PINX1: variants seen among roughly 807,000 people sequenced by gnomAD.
The protein encoded by PINX1 is PIN2 (TERF1) interacting telomerase inhibitor 1, also known as PIN2/TERF1-interacting telomerase inhibitor 1.
PINX1 carries 34 observed loss-of-function variants against 25.4 expected under a neutral mutation model. That is an observed-to-expected ratio of 1.34 (90% CI 1.02 to 1.78). The LOEUF (loss-of-function observed/expected upper bound fraction) is 1.78. PINX1 is among the 40% of genes most tolerant of loss of function. The probability of loss-of-function intolerance (pLI) is 0.00; values close to 1 mark genes in which losing one functional copy is unlikely to be tolerated. For missense variants in PINX1, 592 were observed against 404.9 expected (o/e 1.46, Z -3.97); for synonymous variants, 197 against 147.7 (o/e 1.33, Z -2.42).
chr8:10,793,639 G>A (rs904330851), intron 6 of PINX1, among the ~76,000 whole-genome samples: 14 of 151,972 alleles, frequency 9.2e-5, no homozygotes, highest in African/African-American at 2.9e-4. Context: ...GGACACAGAC[G>A]TCCGCTGGAA....
intron 6 of PINX1, among the ~76,000 whole-genome samples, chr8:10,784,740 T>C (rs1173212092): frequency 6.6e-6 from 1 of 152,192 alleles, no homozygotes; most frequent in East Asian, 1.9e-4. Context: ...AGAACGTGAA[T>C]TAAAGGAGCC....
chr8:10,834,784 GA>G lies in PINX1; in HGVS notation c.20-10del. ...CTTCTGCTTCCGCCGACCTGTAAAT[GA>G]AAAAGCATTATCATCAGCAATGGAG... On this transcript the variant is annotated splice_polypyrimidine_tract_variant and intron_variant, in intron 1 of 6. Transcript: ENST00000314787. 1 of 1,598,458 alleles carries G rather than the reference GA, an allele frequency of 6.3e-7. No individual in the cohort carries two copies.
At chr8:10,830,849 T>C (rs1798206886) in intron 4 of PINX1, among the ~76,000 whole-genome samples, 1 of 152,208 alleles carries the variant, frequency 6.6e-6, no homozygotes, top group East Asian at 1.9e-4. Flanking sequence ...ATTGGAACTC[T>C]TATGCACTGT....
chr8:10,785,169 G>T (rs1478121994), intron 6 of PINX1, among the ~76,000 whole-genome samples: 2 of 152,162 alleles, frequency 1.3e-5, no homozygotes, highest in Non-Finnish European at 2.9e-5. Flanking sequence ...TAGTTCCAAT[G>T]GAATTATATA....
intron 6 of PINX1, among the ~76,000 whole-genome samples, chr8:10,794,359 G>C (rs1361953873): frequency 6.6e-6 from 1 of 152,020 alleles, no homozygotes; most frequent in Non-Finnish European, 1.5e-5. Flanking sequence ...TTCACAAAAA[G>C]TAGCTTCATC....
intron 1 of PINX1, among the ~76,000 whole-genome samples, chr8:10,837,248 G>C (rs1386845480): frequency 2.0e-5 from 3 of 152,166 alleles, no homozygotes; most frequent in African/African-American, 7.2e-5. Flanking sequence ...CCCTAGCACC[G>C]AGTCTCTCAC....
chr8:10,816,462 T>C (rs773601725), intron 6 of PINX1, among the ~76,000 whole-genome samples: 7 of 152,238 alleles, frequency 4.6e-5, no homozygotes, highest in South Asian at 4.1e-4. Context: ...ACAACATCTA[T>C]GCTCCAGATG....
chr8:10,825,384 C>A (rs59878596), intron 5 of PINX1: 1 of 534,740 alleles, frequency 1.9e-6, no homozygotes, highest in Non-Finnish European at 3.8e-6. Flanking sequence ...ACAGCATCAG[C>A]AGCATCATCA....
chr8:10,793,517 C>A (rs1441820486), intron 6 of PINX1, among the ~76,000 whole-genome samples: 4 of 152,202 alleles, frequency 2.6e-5, no homozygotes, highest in Non-Finnish European at 5.9e-5. Context: ...TGTTGGGCCA[C>A]ATTCAAAGCC....
intron 4 of PINX1, among the ~76,000 whole-genome samples, chr8:10,830,814 T>C (rs556140066): frequency 7.2e-5 from 11 of 152,218 alleles, no homozygotes; most frequent in Non-Finnish European, 1.5e-4. Context: ...TTATAAAAGA[T>C]AATTACTGGT....
At chr8:10,768,826 C>T (rs755773897) in intron 6 of PINX1, among the ~76,000 whole-genome samples, 6 of 152,200 alleles carry the variant, frequency 3.9e-5, no homozygotes, top group Non-Finnish European at 5.9e-5. Flanking sequence ...TTGACCATGG[C>T]ATCACATAAA....
rs139792715 is a variant in PINX1, at chr8:10,787,919, G to T, written c.472-22003C>A. The T allele has an allele frequency of 4.8e-4, 192 of 404,076 alleles. 1 individual carries two copies. The highest frequency in any genetic ancestry group is 3.6e-3 in the African/African-American group (172 of 47,984). 25.0% of individuals were successfully genotyped at this position (404,076 alleles called of 1,614,324 possible). The stretch of plus-strand genomic sequence containing the variant: ...AATCTATAATATACAGACCTTGTTA[G>T]ATTCAAATACATATTCAAAGTAAAA... On this transcript the variant is annotated intron_variant, in intron 6 of 6. Transcript: ENST00000314787.
chr8:10,770,322 T>C (rs1165495716), intron 6 of PINX1, among the ~76,000 whole-genome samples: 2 of 152,236 alleles, frequency 1.3e-5, no homozygotes, highest in Non-Finnish European at 2.9e-5. Flanking sequence ...TAACGCCATC[T>C]CTGGCAATTC....
chr8:10,832,179 T>C (rs1398184336), intron 3 of PINX1, among the ~76,000 whole-genome samples: 2 of 152,164 alleles, frequency 1.3e-5, no homozygotes, highest in Non-Finnish European at 2.9e-5. Flanking sequence ...ATGACTTGCA[T>C]CAACTCCAAT....
At chr8:10,798,342 C>A (rs925792901) in intron 6 of PINX1, among the ~76,000 whole-genome samples, 2 of 152,150 alleles carry the variant, frequency 1.3e-5, no homozygotes, top group African/African-American at 4.8e-5. Context: ...ACTTCCAGGC[C>A]CTCCCAAATC....
At chr8:10,830,231 A>T (rs942414743) in intron 4 of PINX1, among the ~76,000 whole-genome samples, 1 of 152,248 alleles carries the variant, frequency 6.6e-6, no homozygotes, top group Non-Finnish European at 1.5e-5. Context: ...CCTATGGATA[A>T]GGAAAACTGT....
At chr8:10,836,480 T>A (rs1188428919) in intron 1 of PINX1, among the ~76,000 whole-genome samples, 1 of 152,220 alleles carries the variant, frequency 6.6e-6, no homozygotes, top group East Asian at 1.9e-4. Context: ...GGTCTTTGAC[T>A]AGGGCTTGTA....
intron 6 of PINX1, among the ~76,000 whole-genome samples, chr8:10,767,065 C>G (rs185490979): frequency 2.6e-5 from 4 of 152,066 alleles, no homozygotes; most frequent in African/African-American, 9.6e-5. Flanking sequence ...CACCCAACTT[C>G]TTCCTTCATA....
At chr8:10,836,301 C>A (rs568616815) in intron 1 of PINX1, among the ~76,000 whole-genome samples, 2 of 152,050 alleles carry the variant, frequency 1.3e-5, no homozygotes, top group Admixed American at 1.3e-4. Flanking sequence ...AAAAGGTGAC[C>A]CAAAAATGTT....
Sources: gnomAD v4.1 joint callset for allele counts (sites outside exome capture counted in the v4.1 genomes callset) on GRCh38, gnomAD v4.1.1 for gene constraint, MANE v1.5 for transcripts, NCBI Gene and HGNC (gene_info 2026-07-23, HGNC 2026-07-21) for gene names.